Variants in MRPS9 observed in about 807,000 individuals in gnomAD.
The protein encoded by MRPS9 is mitochondrial ribosomal protein S9.
MRPS9 carries 45 observed loss-of-function variants against 59.9 expected under a neutral mutation model. That is an observed-to-expected ratio of 0.75 (90% CI 0.59 to 0.96). The LOEUF is 0.96. MRPS9 is among the 40% of genes least tolerant of loss of function. The probability of loss-of-function intolerance (pLI) is 0.00; values close to 1 mark genes in which losing one functional copy is unlikely to be tolerated. For missense variants in MRPS9, 473 were observed against 481.1 expected, an observed-to-expected ratio of 0.98 and a Z score of 0.16; for synonymous variants, 171 against 166.8, an observed-to-expected ratio of 1.03 and a Z score of -0.19.
In MRPS9 at chr2:105,053,827, T is replaced by C. The variant is rs188124029; in HGVS notation, c.315+4477T>C. Among the ~76,000 whole-genome samples the C allele has an allele frequency of 1.1e-3, 168 of 152,344 alleles. 1 individual carries two copies. Among genetic ancestry groups the C allele is most frequent in the African/African-American group, 3.9e-3 (162 of 41,590 alleles). The stretch of plus-strand genomic sequence containing the variant: ...AGCAACTTGATGTCATCTTGTGTGA[T>C]TGTGTTAACAGAATATTATAAAAAT... On this transcript the variant is annotated intron_variant, in intron 2 of 10. Transcript: ENST00000258455.
At chr2:105,093,263 T>C (rs1294317918) in intron 8 of MRPS9, among the ~76,000 whole-genome samples, 1 of 152,178 alleles carries the variant, frequency 6.6e-6, no homozygotes, top group African/African-American at 2.4e-5. Flanking sequence ...ATAAATTACT[T>C]TGTTGGTTGT....
chr2:105,079,969 C>CT lies in MRPS9; in HGVS notation c.410-8dup, dbSNP rs766718559. 2 of 1,604,860 alleles carry CT rather than the reference C, an allele frequency of 1.2e-6. No homozygotes were observed. Among genetic ancestry groups the CT allele is most frequent in the South Asian group, 1.1e-5 (1 of 89,942 alleles). ...TATATTTTTATTTGCTTTCATCTGGCTTTTTTAAATCAGCAATCCAGTGGG... is the reference window on the plus strand; with the variant it reads ...TATATTTTTATTTGCTTTCATCTGGCTTTTTTTAAATCAGCAATCCAGTGGG... On this transcript the variant is annotated splice_polypyrimidine_tract_variant and intron_variant, in intron 4 of 10. Transcript: ENST00000258455.
Position 105,092,954 on chromosome 2 carries a change from C to T in MRPS9, c.820+385C>T, listed in dbSNP as rs192256308. ...ATGCCAAAACTATGTAATGTGAAAA[C>T]TTCACGTCCTTAACTCACATTTTTC... On this transcript the variant is annotated intron_variant, in intron 8 of 10. Coordinates refer to ENST00000258455, the MANE Select transcript of MRPS9 (RefSeq NM_182640.3). 5.0e-3 allele frequency among the ~76,000 whole-genome samples: 754 copies of T among 152,250 alleles called. 3 individuals are homozygous for T. The highest frequency in any genetic ancestry group is 7.8e-3 in the Non-Finnish European group (529 of 68,010).
intron 4 of MRPS9, 151 bp from the exon 5 acceptor site, chr2:105,079,832 A>G: frequency 2.2e-6 from 1 of 461,722 alleles, no homozygotes; most frequent in Non-Finnish European, 3.8e-6. Flanking sequence ...TAAATATGCT[A>G]AACTAAATAT....
intron 6 of MRPS9, among the ~76,000 whole-genome samples, 173 bp downstream of exon 6, chr2:105,089,242 T>C (rs115326854): frequency 0.018 from 2,685 of 152,248 alleles, 91 homozygotes; most frequent in African/African-American, 0.062. Context: ...GAAGCATGAA[T>C]TGAAGTTATT....
At chr2:105,096,033 T>G (rs1263890542) in intron 9 of MRPS9, among the ~76,000 whole-genome samples, 1 of 152,138 alleles carries the variant, frequency 6.6e-6, no homozygotes, top group Non-Finnish European at 1.5e-5. Flanking sequence ...TATGGCTACT[T>G]TTCATTTGGT....
chr2:105,088,855 C>A, intron 5 of MRPS9, 129 bp from the exon 6 acceptor site: 1 of 482,034 alleles, frequency 2.1e-6, no homozygotes, highest in Non-Finnish European at 3.6e-6. Context: ...ATTTACTCTG[C>A]AGCTTGATTC....
intron 10 of MRPS9, among the ~76,000 whole-genome samples, chr2:105,098,993 C>T (rs1680731915): frequency 6.6e-6 from 1 of 152,104 alleles, no homozygotes; most frequent in African/African-American, 2.4e-5. Flanking sequence ...CATAATCACT[C>T]CTGATGATTG....
intron 2 of MRPS9, among the ~76,000 whole-genome samples, chr2:105,057,161 G>A (rs113659417): frequency 0.01 from 1,576 of 152,194 alleles, 23 homozygotes; most frequent in African/African-American, 0.036. Flanking sequence ...ACTACCTATT[G>A]TTCTTACCCA....
intron 2 of MRPS9, among the ~76,000 whole-genome samples, chr2:105,069,241 G>A (rs1397949400): frequency 1.2e-4 from 16 of 137,588 alleles, no homozygotes; most frequent in African/African-American, 4.1e-4. Context: ...TTGAGACAGA[G>A]TCTCGCCCTG....
At position 105,096,506 on chromosome 2, in the gene MRPS9, A is replaced by G. The variant is rs557105500; in HGVS notation, c.930-649A>G. Among the ~76,000 whole-genome samples, 24 of 152,222 alleles carry G rather than the reference A, an allele frequency of 1.6e-4. No homozygotes were observed. The East Asian group carries it at 4.6e-3, about 29-fold the overall frequency. On this transcript the variant is annotated intron_variant, in intron 9 of 10. Coordinates refer to ENST00000258455, the MANE Select transcript of MRPS9 (RefSeq NM_182640.3). ...TGTGGTGCCTGCCCCAGGATCTTGTAGGCCCTGACCGACCCTGAAAGAGCA... is the reference window on the plus strand; with the variant it reads ...TGTGGTGCCTGCCCCAGGATCTTGTGGGCCCTGACCGACCCTGAAAGAGCA...
intron 8 of MRPS9, among the ~76,000 whole-genome samples, chr2:105,093,146 A>T (rs1680593526): frequency 6.6e-6 from 1 of 152,164 alleles, no homozygotes; most frequent in African/African-American, 2.4e-5. Context: ...ATATTTCATC[A>T]TACTATTTAT....
In MRPS9 at chr2:105,099,950, TGTTA is replaced by T; in HGVS notation, c.*193_*196del. The T allele has an allele frequency of 4.2e-6, 2 of 480,968 alleles. No homozygotes were observed. Among genetic ancestry groups the T allele is most frequent in the South Asian group, 8.5e-5 (2 of 23,562 alleles). The allele number at this position is 480,968 out of a possible 1,614,324, so 29.8% of individuals were successfully genotyped here. A position where few individuals can be genotyped will look rare whatever the true frequency, so the allele number is the denominator to read the frequency against. ...TAAAAAATAAAAGGAAAATAAAGAA[TGTTA>T]GTTTCATTCTGCCGCTTTATTTTTT... On this transcript the variant is annotated 3_prime_UTR_variant, in exon 11 of 11. Coordinates refer to ENST00000258455, the MANE Select transcript of MRPS9 (RefSeq NM_182640.3).
At chr2:105,041,362 C>G (rs2104435977) in intron 1 of MRPS9, among the ~76,000 whole-genome samples, 1 of 152,166 alleles carries the variant, frequency 6.6e-6, no homozygotes, top group East Asian at 1.9e-4. Flanking sequence ...TTATTCTCTA[C>G]TACTGAACAC....
At chr2:105,050,794 C>G (rs1189910133) in intron 2 of MRPS9, among the ~76,000 whole-genome samples, 1 of 152,144 alleles carries the variant, frequency 6.6e-6, no homozygotes, top group South Asian at 2.1e-4. Flanking sequence ...CATAGACTCT[C>G]TAGACTCTAA....
intron 4 of MRPS9, among the ~76,000 whole-genome samples, chr2:105,077,701 G>T (rs925357842): frequency 6.6e-6 from 1 of 152,122 alleles, no homozygotes; most frequent in Non-Finnish European, 1.5e-5. Context: ...ATAGATAACT[G>T]AATAGGGGAG....
chr2:105,068,828 A>G, intron 2 of MRPS9, among the ~76,000 whole-genome samples: 1 of 152,164 alleles, frequency 6.6e-6, no homozygotes. Flanking sequence ...ATGTGCCCTC[A>G]TTTATTCAGC....
intron 5 of MRPS9, among the ~76,000 whole-genome samples, chr2:105,083,679 CTG>C (rs1231117321): frequency 6.6e-6 from 1 of 152,092 alleles, no homozygotes; most frequent in Non-Finnish European, 1.5e-5. Flanking sequence ...AGAATACAGA[CTG>C]TGAAATATTC....
At chr2:105,056,361 A>G (rs779956425) in intron 2 of MRPS9, among the ~76,000 whole-genome samples, 27 of 151,980 alleles carry the variant, frequency 1.8e-4, no homozygotes, top group Non-Finnish European at 3.2e-4. Flanking sequence ...TTTCCTTTTT[A>G]GTATGTTTGT....
Sources: allele counts gnomAD v4.1 joint callset (sites outside exome capture counted in the v4.1 genomes callset), GRCh38; gene constraint gnomAD v4.1.1; transcripts MANE v1.5; gene names NCBI Gene and HGNC (gene_info 2026-07-23, HGNC 2026-07-21).